The following PTPRM variants were observed in gnomAD, a reference collection of about 807,000 sequenced individuals.
PTPRM encodes the protein receptor-type tyrosine-protein phosphatase mu.
A neutral mutation model predicts 186.7 loss-of-function variants in PTPRM; 47 were observed. That is an observed-to-expected ratio of 0.25 (90% CI 0.20 to 0.32). PTPRM has a LOEUF of 0.32. Among genes scored for constraint, PTPRM ranks in the 10% least tolerant of loss-of-function variants. PTPRM has a pLI of 1.00. For synonymous variants in PTPRM, 668 were observed against 674.9 expected (o/e 0.99, Z 0.16); for missense variants, 1,494 against 1,865.0 (o/e 0.80, Z 3.66).
intron 2 of PTPRM, among the ~76,000 whole-genome samples, chr18:7,838,227 CA>C (rs1323101052): frequency 1.3e-5 from 2 of 152,140 alleles, no homozygotes; most frequent in Admixed American, 6.6e-5. Flanking sequence ...AAGTGCTGAG[CA>C]AAGGGGGAAA....
chr18:7,699,221 G>A (rs767439144), intron 1 of PTPRM, among the ~76,000 whole-genome samples: 1 of 152,090 alleles, frequency 6.6e-6, no homozygotes, highest in Non-Finnish European at 1.5e-5. Context: ...TGTCTTCCAC[G>A]AAACCAGTCC....
At chr18:7,749,769 A>G (rs980459402) in intron 1 of PTPRM, among the ~76,000 whole-genome samples, 1 of 152,186 alleles carries the variant, frequency 6.6e-6, no homozygotes, top group African/African-American at 2.4e-5. Flanking sequence ...ATATATTCTC[A>G]ATTCCATGTT....
chr18:8,343,616 A>T (rs1430275035), intron 23 of PTPRM, 96 bp downstream of exon 23: 6 of 973,998 alleles, frequency 6.2e-6, no homozygotes, highest in Non-Finnish European at 9.3e-6. Flanking sequence ...TATTATGTGT[A>T]CTCCCCAAAA....
chr18:7,900,380 A>G (rs2049597391), intron 3 of PTPRM, among the ~76,000 whole-genome samples: 1 of 152,234 alleles, frequency 6.6e-6, no homozygotes, highest in South Asian at 2.1e-4. Flanking sequence ...TGTGAGCGAT[A>G]TAAAAACAGG....
intron 20 of PTPRM, among the ~76,000 whole-genome samples, chr18:8,300,636 C>A (rs1352759651): frequency 1.3e-5 from 2 of 152,178 alleles, no homozygotes; most frequent in Non-Finnish European, 2.9e-5. Flanking sequence ...AGGCGGGACT[C>A]TGGCTTCTGT....
chr18:8,064,375 C>A (rs950102890), intron 7 of PTPRM, among the ~76,000 whole-genome samples: 1 of 112,944 alleles, frequency 8.9e-6, no homozygotes, highest in Non-Finnish European at 2.0e-5. Flanking sequence ...TTCTGTAAGA[C>A]TATTTTTTTT....
intron 29 of PTPRM, among the ~76,000 whole-genome samples, chr18:8,381,511 T>C (rs557992403): frequency 5.3e-5 from 8 of 152,312 alleles, no homozygotes; most frequent in Non-Finnish European, 1.5e-5. Flanking sequence ...TTTAATTATG[T>C]CTGAGGCACT....
At chr18:7,713,619 G>C (rs1054491132) in intron 1 of PTPRM, among the ~76,000 whole-genome samples, 15 of 151,338 alleles carry the variant, frequency 9.9e-5, no homozygotes, top group Admixed American at 2.0e-4. Context: ...CTGTATTCAG[G>C]AGACCCATCT....
At chr18:8,039,795 A>G (rs750780991) in intron 7 of PTPRM, among the ~76,000 whole-genome samples, 1 of 152,098 alleles carries the variant, frequency 6.6e-6, no homozygotes, top group Non-Finnish European at 1.5e-5. Context: ...ATAGATCCCT[A>G]TTTATTATTT....
intron 2 of PTPRM, among the ~76,000 whole-genome samples, chr18:7,821,429 C>T (rs17557788): frequency 0.32 from 43,920 of 138,418 alleles, 7,572 homozygotes; most frequent in Admixed American, 0.46. Context: ...CCTTTTTTTA[C>T]TCATAAGACA....
Position 8,053,921 on chromosome 18 carries a change from G to T in PTPRM, c.1133-15765G>T, listed in dbSNP as rs570774283. Among the ~76,000 whole-genome samples, 20 of 152,076 alleles carry T rather than the reference G, an allele frequency of 1.3e-4. No individual in the cohort carries two copies. In the South Asian group the frequency reaches 4.2e-3, roughly 32 times the overall value. On this transcript the variant is annotated intron_variant, in intron 7 of 32. Coordinates refer to ENST00000580170, the MANE Select transcript of PTPRM (RefSeq NM_001105244.2). ...TCTTGTTGTAAATGAAAAAAATTCA[G>T]TAATGTTTCAGTTTGATAATATACA...
chr18:7,667,704 A>G (rs1474984944), intron 1 of PTPRM, among the ~76,000 whole-genome samples: 1 of 152,214 alleles, frequency 6.6e-6, no homozygotes, highest in Non-Finnish European at 1.5e-5. Flanking sequence ...ACACTTAGTA[A>G]ACTATCCATA....
At chr18:7,636,354 G>T (rs535848752) in intron 1 of PTPRM, among the ~76,000 whole-genome samples, 11 of 152,228 alleles carry the variant, frequency 7.2e-5, no homozygotes, top group East Asian at 1.9e-4. Flanking sequence ...TCAGTGTTTT[G>T]CCTGGAAGTT....
In PTPRM at chr18:7,911,831, A is replaced by G. The variant is rs945998126; in HGVS notation, c.547+5248A>G. Among the ~76,000 whole-genome samples, 5 of 130,610 alleles carry G rather than the reference A, an allele frequency of 3.8e-5. No individual in the cohort carries two copies. In the East Asian group the frequency reaches 1.3e-3, roughly 34 times the overall value. 85.7% of individuals were successfully genotyped at this position (130,610 alleles called of 152,430 possible). A position where few individuals can be genotyped will look rare whatever the true frequency, so the allele number is the denominator to read the frequency against. On this transcript the variant is annotated intron_variant, in intron 4 of 32. Transcript: ENST00000580170. ...CAAAGCTTTTCTGTGTTTTTTCCAG[A>G]GTTTTATGGTTTCAATTTTTTTTTT...
intron 13 of PTPRM, among the ~76,000 whole-genome samples, chr18:8,129,746 C>G (rs1051575139): frequency 6.6e-6 from 1 of 152,120 alleles, no homozygotes; most frequent in African/African-American, 2.4e-5. Flanking sequence ...GTCAGAATTT[C>G]CTTCATCATC....
intron 7 of PTPRM, among the ~76,000 whole-genome samples, chr18:7,982,267 C>T (rs2082594091): frequency 6.8e-6 from 1 of 147,336 alleles, no homozygotes; most frequent in Non-Finnish European, 1.5e-5. Context: ...AAGCTGTTTT[C>T]TGTTTTTAAG....
chr18:7,658,359 T>TATATATATATATACAC (rs1491198247), intron 1 of PTPRM, among the ~76,000 whole-genome samples: 6 of 136,682 alleles, frequency 4.4e-5, no homozygotes, highest in African/African-American at 1.8e-4. Context: ...TATATATATA[T>TATATATATATATACAC]ACATACACAC....
intron 23 of PTPRM, among the ~76,000 whole-genome samples, chr18:8,358,472 C>T (rs1461190637): frequency 4.6e-5 from 7 of 152,144 alleles, no homozygotes; most frequent in Admixed American, 4.6e-4. Flanking sequence ...ATCTGTTTCT[C>T]ACGCCTCCTG....
At chr18:7,774,769 A>T (rs1230972007) in intron 2 of PTPRM, among the ~76,000 whole-genome samples, 4 of 152,236 alleles carry the variant, frequency 2.6e-5, no homozygotes, top group Non-Finnish European at 5.9e-5. Context: ...TTTTCCACTG[A>T]AGAAATGTTT....
Sources: allele counts gnomAD v4.1 joint callset (sites outside exome capture counted in the v4.1 genomes callset), GRCh38; gene constraint gnomAD v4.1.1; transcripts MANE v1.5; gene names NCBI Gene and HGNC (gene_info 2026-07-23, HGNC 2026-07-21).